GRIK3: variants seen among roughly 807,000 people sequenced by gnomAD.
The protein encoded by GRIK3 is glutamate receptor ionotropic, kainate 3.
GRIK3 carries 29 observed loss-of-function variants against 102.5 expected under a neutral mutation model. That is an observed-to-expected ratio of 0.28 (90% CI 0.21 to 0.39). The LOEUF (loss-of-function observed/expected upper bound fraction) is 0.39. Among genes scored for constraint, GRIK3 ranks in the 10% least tolerant of loss-of-function variants. The pLI, the probability that GRIK3 is intolerant of heterozygous loss-of-function variation, is 1.00. For missense variants in GRIK3, 908 were observed against 1,252.4 expected, an observed-to-expected ratio of 0.73 and a Z score of 4.15; for synonymous variants, 511 against 504.9, an observed-to-expected ratio of 1.01 and a Z score of -0.16.
At chr1:36,917,686 G>A (rs1641417773) in intron 1 of GRIK3, among the ~76,000 whole-genome samples, 1 of 152,192 alleles carries the variant, frequency 6.6e-6, no homozygotes, top group South Asian at 2.1e-4. Flanking sequence ...AAGCCTTCCA[G>A]CCACATGGAA....
chr1:36,806,904 A>G lies in GRIK3; in HGVS notation c.2092-578T>C, dbSNP rs779260796. On this transcript the variant is annotated intron_variant, in intron 13 of 15. Transcript: ENST00000373091. This position sits in a 1 kb window ranked among gnomAD's most constrained non-coding sequence, Gnocchi z 4.0. ...ACTGTGAGGGTGGAGGGGGAGAGAC[A>G]GCTGCTCATCGGGGCAAAGCTGAGT... 3.3e-5 allele frequency among the ~76,000 whole-genome samples: 5 copies of G among 152,228 alleles called. No individual in the cohort carries two copies. Among genetic ancestry groups the G allele is most frequent in the Non-Finnish European group, 5.9e-5 (4 of 68,044 alleles).
Position 36,853,655 on chromosome 1 carries a change from T to C in GRIK3, c.1172A>G (p.Asp391Gly), listed in dbSNP as rs765522173. 2 of 1,613,432 alleles carry C rather than the reference T, an allele frequency of 1.2e-6. No individual in the cohort carries two copies. The highest frequency in any genetic ancestry group is 1.3e-5 in the African/African-American group (1 of 74,904). Residue 391 changes from aspartate (D) to glycine (G), a missense_variant, in exon 8 of 16, where the codon GAT becomes GGT. Physicochemically the swap from Asp to Gly is moderately conservative, Grantham distance 94. This residue lies in a region of GRIK3 where 585 missense variants were observed against 824.9 expected (regional missense o/e 0.71). Transcript: ENST00000373091. Reference sequence around the variant, plus strand: ...CTCTTTCAGGCTGATGATGTCCAGATCAAAATCCGTCCGCAAGCCACTAGT... The same window carrying C: ...CTCTTTCAGGCTGATGATGTCCAGACCAAAATCCGTCCGCAAGCCACTAGT... Reference protein sequence around the residue: ...NKTSGLRTDFDLDIISLKEDG... With the variant: ...NKTSGLRTDFGLDIISLKEDG...
chr1:36,929,347 G>A (rs78045081), intron 1 of GRIK3, among the ~76,000 whole-genome samples: 6,851 of 152,278 alleles, frequency 0.045, 208 homozygotes, highest in Non-Finnish European at 0.066. Flanking sequence ...TGAAGGTACT[G>A]ATGGATGCAT....
intron 1 of GRIK3, among the ~76,000 whole-genome samples, chr1:36,966,561 GA>G (rs1284278295): frequency 6.6e-6 from 1 of 152,042 alleles, no homozygotes; most frequent in Non-Finnish European, 1.5e-5. Flanking sequence ...GTGAAGGTGA[GA>G]AAAATTTCTA....
At chr1:37,033,311 C>A (rs1007661360) in intron 1 of GRIK3, among the ~76,000 whole-genome samples, 3 of 152,214 alleles carry the variant, frequency 2.0e-5, no homozygotes, top group African/African-American at 7.2e-5. Flanking sequence ...CCTGCCCGGG[C>A]CGCACTGGGC....
intron 11 of GRIK3, among the ~76,000 whole-genome samples, chr1:36,824,478 TTCATCAC>T (rs1417157795): frequency 6.6e-6 from 1 of 152,106 alleles, no homozygotes; most frequent in Admixed American, 6.5e-5. Flanking sequence ...GCAGGGACAT[TTCATCAC>T]TCACAGCCTT....
chr1:36,916,628 C>T (rs1315887472), intron 1 of GRIK3, among the ~76,000 whole-genome samples: 1 of 152,294 alleles, frequency 6.6e-6, no homozygotes, highest in East Asian at 1.9e-4. Context: ...GGACAAGTTA[C>T]ACCTCGGGCT....
chr1:36,810,531 T>C (rs1187544947), intron 13 of GRIK3, among the ~76,000 whole-genome samples: 1 of 152,226 alleles, frequency 6.6e-6, no homozygotes, highest in African/African-American at 2.4e-5. Flanking sequence ...TGAAGATACT[T>C]AATCTTGAGA....
At chr1:36,962,063 G>C (rs184786197) in intron 1 of GRIK3, among the ~76,000 whole-genome samples, 1 of 152,290 alleles carries the variant, frequency 6.6e-6, no homozygotes, top group East Asian at 1.9e-4. Flanking sequence ...AGGAAGGGAG[G>C]CTCACAGAAG....
chr1:36,891,301 C>G (rs552551740), intron 1 of GRIK3, among the ~76,000 whole-genome samples: 64 of 152,326 alleles, frequency 4.2e-4, no homozygotes, highest in South Asian at 2.3e-3. Context: ...CCAGCAAATT[C>G]CTGATAACAG....
intron 1 of GRIK3, among the ~76,000 whole-genome samples, chr1:36,992,482 A>T (rs1233445748): frequency 6.6e-6 from 1 of 152,160 alleles, no homozygotes; most frequent in Non-Finnish European, 1.5e-5. Context: ...CAGAGGCTGG[A>T]TGGGGTGGGC....
intron 5 of GRIK3, among the ~76,000 whole-genome samples, chr1:36,864,600 C>T (rs563962730): frequency 5.3e-5 from 8 of 152,268 alleles, no homozygotes; most frequent in African/African-American, 1.7e-4. Context: ...GGAACCAGCC[C>T]TTCTGGTCTC....
chr1:36,880,678 T>A lies in GRIK3; in HGVS notation c.506A>T (p.Tyr169Phe). ...CACGGTGGCTGACCGCCACTTGAGG[T>A]ACTGGACCAGGTCGAGGATGGCATG... ...LSHAILDLVQ[Y>F]LKWRSATVVY... Residue 169 changes from tyrosine to phenylalanine, a missense_variant, in exon 3 of 16, where the codon TAC (tyrosine) becomes TTC (phenylalanine). Tyr to Phe is a conservative substitution (Grantham distance 22, BLOSUM62 3). Around this residue, in one of 3 missense-constraint regions of GRIK3, gnomAD observed 585 missense variants for 824.9 expected, o/e 0.71. Transcript: ENST00000373091. The surrounding 1 kb of genome is among the most constrained non-coding windows in gnomAD (Gnocchi z 5.4). The A allele has an allele frequency of 1.2e-6, 2 of 1,614,084 alleles. No individual in the cohort carries two copies. Among genetic ancestry groups the A allele is most frequent in the Non-Finnish European group, 1.7e-6 (2 of 1,179,980 alleles).
At chr1:37,006,263 C>T (rs1642532038) in intron 1 of GRIK3, among the ~76,000 whole-genome samples, 1 of 152,218 alleles carries the variant, frequency 6.6e-6, no homozygotes, top group African/African-American at 2.4e-5. Context: ...TGGGGCAGAG[C>T]TTCTCCTCCT....
At chr1:36,846,103 G>C (rs115625072) in intron 9 of GRIK3, among the ~76,000 whole-genome samples, 1,544 of 152,280 alleles carry the variant, frequency 0.01, 23 homozygotes, top group African/African-American at 0.035. Flanking sequence ...GGCCGGGTGT[G>C]TTTTCTCAGT....
intron 1 of GRIK3, among the ~76,000 whole-genome samples, chr1:36,911,439 T>C (rs1641344514): frequency 6.6e-6 from 1 of 152,180 alleles, no homozygotes; most frequent in African/African-American, 2.4e-5. Flanking sequence ...TAAAGCACAT[T>C]GTATGCCTTT....
intron 1 of GRIK3, among the ~76,000 whole-genome samples, chr1:36,944,457 G>A (rs1641761100): frequency 6.6e-6 from 1 of 152,154 alleles, no homozygotes; most frequent in Non-Finnish European, 1.5e-5. Flanking sequence ...GAAATTGAGA[G>A]TTGCAAGATA....
chr1:36,878,346 G>C (rs1442229270), intron 3 of GRIK3, among the ~76,000 whole-genome samples: 1 of 152,260 alleles, frequency 6.6e-6, no homozygotes, highest in Non-Finnish European at 1.5e-5. Flanking sequence ...TGCTCTCAAG[G>C]ATCTTCTGTC....
At chr1:36,930,597 G>T (rs1285841019) in intron 1 of GRIK3, among the ~76,000 whole-genome samples, 1 of 152,186 alleles carries the variant, frequency 6.6e-6, no homozygotes, top group Non-Finnish European at 1.5e-5. Context: ...CTACTAGCCT[G>T]AAATTCCACA....
Sources: gnomAD v4.1 joint callset for allele counts (sites outside exome capture counted in the v4.1 genomes callset) on GRCh38, gnomAD v4.1.1 for gene constraint, gnomAD v4.1.1 regional missense constraint, Gnocchi (gnomAD v3.1) non-coding constraint, MANE v1.5 for transcripts, NCBI Gene and HGNC (gene_info 2026-07-23, HGNC 2026-07-21) for gene names.